Variants in TMEM200C observed in about 807,000 individuals in gnomAD.
The protein encoded by TMEM200C is transmembrane protein TTMA.
For synonymous variants in TMEM200C, 462 were observed against 324.7 expected, an observed-to-expected ratio of 1.42 and a Z score of -4.55; for missense variants, 966 against 699.9, an observed-to-expected ratio of 1.38 and a Z score of -4.29.
intron 2 of TMEM200C, among the ~76,000 whole-genome samples, chr18:5,893,671 G>A (rs1028397100): frequency 6.6e-6 from 1 of 152,162 alleles, no homozygotes; most frequent in African/African-American, 2.4e-5. Context: ...GCTTTTAATT[G>A]GTGATTGGGT....
At chr18:5,884,478 T>C (rs1397774179) in exon 3 of TMEM200C, 2 of 152,178 alleles carry the variant, frequency 1.3e-5, no homozygotes, top group African/African-American at 4.8e-5. Context: ...TATTACAAGA[T>C]TCTGTGGTCA....
At chr18:5,888,052 T>G (rs180937231) in exon 3 of TMEM200C, 18 of 152,340 alleles carry the variant, frequency 1.2e-4, no homozygotes, top group Admixed American at 1.2e-3. Flanking sequence ...ACATTTACAG[T>G]GCATTCTCCG....
exon 3 of TMEM200C, chr18:5,882,657 T>G (rs765843349): frequency 1.3e-5 from 2 of 152,256 alleles, no homozygotes; most frequent in East Asian, 1.9e-4. Flanking sequence ...AAACAATTAC[T>G]TATTATTAGT....
chr18:5,891,723 C>T lies in TMEM200C; in HGVS notation c.341G>A (p.Arg114Lys). ...ACCCCCTGGAGCCCTAGGGTGGCTC[C>T]TGGACCGGTTTTTGCTGCCACTGCT... is the stretch of plus-strand genomic sequence containing the variant. Residue 114 changes from arginine (R) to lysine (K), a missense_variant, in exon 3 of 3, where the codon AGG (arginine) becomes AAG (lysine). Coordinates refer to ENST00000581347, the Ensembl canonical transcript of TMEM200C. The surrounding 1 kb of genome is among the most constrained non-coding windows in gnomAD (Gnocchi z 4.7). 6.2e-7 allele frequency: 1 copy of T among 1,613,092 alleles called. No individual in the cohort carries two copies. Among genetic ancestry groups the T allele is most frequent in the Non-Finnish European group, 8.5e-7 (1 of 1,179,848 alleles).
At chr18:5,883,440 C>G (rs2095163172) in exon 3 of TMEM200C, 1 of 152,024 alleles carries the variant, frequency 6.6e-6, no homozygotes, top group East Asian at 1.9e-4. Flanking sequence ...TTTTCAGTGA[C>G]TATCTCAAAA....
chr18:5,890,923 G>C (rs1227706813), exon 3 of TMEM200C: 3 of 677,674 alleles, frequency 4.4e-6, no homozygotes, highest in Non-Finnish European at 8.0e-6. Flanking sequence ...AAGGGCAGCA[G>C]CGCGAAGGCG....
exon 3 of TMEM200C, chr18:5,889,998 GT>G: frequency 2.5e-6 from 1 of 400,088 alleles, no homozygotes; most frequent in Non-Finnish European, 4.3e-6. Context: ...AAAAAGACTA[GT>G]TTGCTTAAAA....
exon 3 of TMEM200C, chr18:5,892,098 A>G: frequency 1.3e-6 from 2 of 1,582,620 alleles, no homozygotes; most frequent in Non-Finnish European, 1.7e-6. Context: ...AGCCTCTGGG[A>G]TGGAGGCTTG....
At chr18:5,890,456 G>A (rs2095169079) in exon 3 of TMEM200C, 3 of 1,574,922 alleles carry the variant, frequency 1.9e-6, no homozygotes, top group Non-Finnish European at 2.6e-6. Flanking sequence ...GGGGTGTGTA[G>A]CCCTTATTGC....
chr18:5,882,294 C>T (rs2095162357), exon 3 of TMEM200C: 2 of 152,150 alleles, frequency 1.3e-5, no homozygotes, highest in South Asian at 4.2e-4. Flanking sequence ...TTCATACTTA[C>T]AGGCTAGCCA....
At position 5,891,985 on chromosome 18, in the gene TMEM200C, G is replaced by A. The variant is rs1287027998; in HGVS notation, c.79C>T (p.Arg27Cys). ...CGCCTCTTCTTGGCTTTCCGCTTGC[G>A]CTTGGGTATCTGGCTTGGGGGGCGG... Residue 27 changes from arginine (R) to cysteine (C), a missense_variant, in exon 3 of 3, where the codon CGC becomes TGC. By Grantham distance (180) the Arg-to-Cys change is radical. Transcript: ENST00000581347. The surrounding 1 kb of genome is among the most constrained non-coding windows in gnomAD (Gnocchi z 4.7). 3 of 1,613,964 alleles carry A rather than the reference G, an allele frequency of 1.9e-6. No individual in the cohort carries two copies. In the South Asian group the frequency reaches 3.3e-5, roughly 18 times the overall value.
chr18:5,890,643 C>G (rs2095169485), exon 3 of TMEM200C: 2 of 776,920 alleles, frequency 2.6e-6, no homozygotes, highest in Non-Finnish European at 3.5e-6. Context: ...GTCCGGGAGC[C>G]CGCTGGTGCT....
At chr18:5,884,182 T>A (rs1045061523) in exon 3 of TMEM200C, 2 of 152,168 alleles carry the variant, frequency 1.3e-5, no homozygotes, top group Non-Finnish European at 2.9e-5. Context: ...TAGTTTGTTT[T>A]GTTTTTGTTG....
At chr18:5,885,923 C>T (rs988890656) in exon 3 of TMEM200C, 1 of 152,066 alleles carries the variant, frequency 6.6e-6, no homozygotes, top group African/African-American at 2.4e-5. Flanking sequence ...TTAAAATAGT[C>T]TGGGTTTATG....
chr18:5,882,483 A>C (rs1468561395), exon 3 of TMEM200C: 2 of 152,170 alleles, frequency 1.3e-5, no homozygotes, highest in African/African-American at 2.4e-5. Flanking sequence ...AATATCCTAC[A>C]TGAATCAAAG....
chr18:5,886,657 T>C (rs2095165556), exon 3 of TMEM200C: 1 of 152,196 alleles, frequency 6.6e-6, no homozygotes, highest in Non-Finnish European at 1.5e-5. Context: ...TATTTTTATG[T>C]GCCAGGAGTT....
At chr18:5,889,345 G>A (rs1253199204) in exon 3 of TMEM200C, 1 of 152,198 alleles carries the variant, frequency 6.6e-6, no homozygotes, top group Non-Finnish European at 1.5e-5. Flanking sequence ...CCTGGTAGCA[G>A]TGTCACAGCA....
exon 3 of TMEM200C, chr18:5,885,340 T>G (rs1041478884): frequency 6.6e-6 from 1 of 152,174 alleles, no homozygotes; most frequent in Non-Finnish European, 1.5e-5. Flanking sequence ...TCCAGGAGAA[T>G]CTGCATAATC....
chr18:5,887,183 G>A (rs1271961349), exon 3 of TMEM200C: 11 of 152,128 alleles, frequency 7.2e-5, no homozygotes. Context: ...TTCGAGTCCT[G>A]CCACTGCTGT....
Sources: gnomAD v4.1 joint callset for allele counts (sites outside exome capture counted in the v4.1 genomes callset) on GRCh38, gnomAD v4.1.1 for gene constraint, Gnocchi (gnomAD v3.1) non-coding constraint, MANE v1.5 for transcripts, NCBI Gene and HGNC (gene_info 2026-07-23, HGNC 2026-07-21) for gene names.